The following CFAP54 variants were observed in gnomAD, a reference collection of about 807,000 sequenced individuals.
The protein encoded by CFAP54 is cilia and flagella associated protein 54.
In CFAP54, 290 loss-of-function variants were observed where a neutral mutation model predicts 370.4. The observed-to-expected ratio is 0.78, with a 90% CI of 0.71 to 0.86. The LOEUF (loss-of-function observed/expected upper bound fraction) is 0.86. CFAP54 is among the 40% of genes least tolerant of loss of function. CFAP54 has a pLI of 0.00. For synonymous variants in CFAP54, 1,206 were observed against 1,236.5 expected (o/e 0.98, Z 0.52); for missense variants, 3,399 against 3,528.7 (o/e 0.96, Z 0.93).
chr12:96,658,477 C>T, intron 38 of CFAP54, 131 bp downstream of exon 38: 1 of 1,117,702 alleles, frequency 8.9e-7, no homozygotes, highest in South Asian at 1.6e-5. Context: ...TGGCATTTAT[C>T]ATTCAAATCA....
intron 66 of CFAP54, among the ~76,000 whole-genome samples, chr12:96,832,196 C>T (rs965981358): frequency 2.6e-5 from 4 of 151,910 alleles, no homozygotes; most frequent in Non-Finnish European, 5.9e-5. Context: ...TGACTTGCTC[C>T]TCCTTGCCTT....
chr12:96,579,410 T>A (rs573711693), intron 20 of CFAP54, among the ~76,000 whole-genome samples: 7 of 152,210 alleles, frequency 4.6e-5, no homozygotes, highest in Non-Finnish European at 1.0e-4. Context: ...GTTCATTCTG[T>A]ACAAATTTGT....
intron 61 of CFAP54, among the ~76,000 whole-genome samples, chr12:96,786,141 G>A (rs1958626434): frequency 6.6e-6 from 1 of 151,340 alleles, no homozygotes; most frequent in African/African-American, 2.4e-5. Flanking sequence ...TGGCACCATT[G>A]TTAATACCTA....
chr12:96,805,739 G>T (rs551821207), intron 63 of CFAP54, among the ~76,000 whole-genome samples: 1 of 152,138 alleles, frequency 6.6e-6, no homozygotes, highest in African/African-American at 2.4e-5. Flanking sequence ...CTACAACTGG[G>T]TGTATATCCA....
At chr12:96,653,082 G>A (rs1333393114) in intron 36 of CFAP54, among the ~76,000 whole-genome samples, 1 of 152,228 alleles carries the variant, frequency 6.6e-6, no homozygotes, top group Non-Finnish European at 1.5e-5. Context: ...GAGAGGGCAT[G>A]GCAGCTCTGT....
At chr12:96,555,045 T>C (rs552493021) in intron 17 of CFAP54, 38 of 287,158 alleles carry the variant, frequency 1.3e-4, no homozygotes, top group South Asian at 9.1e-4. Flanking sequence ...ATTTGTGTTA[T>C]AGTAAATTAT....
intron 1 of CFAP54, among the ~76,000 whole-genome samples, chr12:96,491,848 C>T (rs1475080084): frequency 2.0e-5 from 3 of 152,194 alleles, no homozygotes; most frequent in Non-Finnish European, 2.9e-5. Context: ...CAACCTCTGC[C>T]TCCCAGGTTT....
chr12:96,752,292 C>G (rs537933193), intron 55 of CFAP54, among the ~76,000 whole-genome samples: 1 of 152,282 alleles, frequency 6.6e-6, no homozygotes, highest in South Asian at 2.1e-4. Flanking sequence ...TGTAGTTCTG[C>G]TGCATTTTAT....
intron 33 of CFAP54, 121 bp from the exon 34 acceptor site, chr12:96,647,754 T>G (rs1214535842): frequency 1.2e-6 from 1 of 850,002 alleles, no homozygotes; most frequent in East Asian, 3.2e-5. Context: ...GACAAAACCC[T>G]TCATGATTTA....
intron 4 of CFAP54, among the ~76,000 whole-genome samples, chr12:96,511,425 TCTC>T (rs763360908): frequency 3.9e-5 from 6 of 152,278 alleles, no homozygotes; most frequent in South Asian, 4.2e-4. Flanking sequence ...CTTAGGCAAT[TCTC>T]CTGCCTCAGC....
intron 26 of CFAP54, among the ~76,000 whole-genome samples, chr12:96,604,598 T>C (rs899428157): frequency 5.3e-5 from 8 of 152,184 alleles, no homozygotes; most frequent in Admixed American, 1.3e-4. Flanking sequence ...CCTTGCTGAG[T>C]GTGGTGGGCT....
rs184038018 is a variant in CFAP54 at position 96,730,546 on chromosome 12, A to G, written c.6966-9410A>G. ...TGGAAAACAGCAAAATAGAAATTCTATAAATGAAACAATATAGTCACTGAA... is the reference window on the plus strand; with the variant it reads ...TGGAAAACAGCAAAATAGAAATTCTGTAAATGAAACAATATAGTCACTGAA... On this transcript the variant is annotated intron_variant, in intron 50 of 67. Transcript: ENST00000524981. Among the ~76,000 whole-genome samples the G allele has an allele frequency of 3.8e-3, 586 of 152,368 alleles. 1 individual carries two copies. Among genetic ancestry groups the G allele is most frequent in the Non-Finnish European group, 6.6e-3 (447 of 68,030 alleles).
Position 96,784,775 on chromosome 12 carries a change from G to A in CFAP54, c.8340G>A (p.Val2780=). Residue 2780 remains valine, a synonymous_variant, in exon 61 of 68, where the codon GTG becomes GTA. Transcript: ENST00000524981. ...SCTFLYQNDD[V]CDSADGRKKT... ...CATTTTTGTACCAAAATGATGATGT[G>A]TGTGACAGCGCAGATGGTAGAAAAA... is the stretch of plus-strand genomic sequence containing the variant. 12 of 1,534,648 alleles carry A rather than the reference G, an allele frequency of 7.8e-6. No homozygotes were observed. The highest frequency in any genetic ancestry group is 1.0e-5 in the Non-Finnish European group (12 of 1,146,136).
At chr12:96,689,029 A>T (rs371015668) in intron 43 of CFAP54, 47 bp downstream of exon 43, 1 of 1,186,982 alleles carries the variant, frequency 8.4e-7, no homozygotes, top group African/African-American at 1.6e-5. Context: ...ACAACCATTC[A>T]TTGGATCAGT....
intron 38 of CFAP54, among the ~76,000 whole-genome samples, chr12:96,659,181 TG>T (rs373528048): frequency 2.6e-5 from 4 of 151,662 alleles, no homozygotes; most frequent in East Asian, 4.2e-4. Context: ...ATCCCAGAGG[TG>T]GGGGGGTTCT....
intron 1 of CFAP54, among the ~76,000 whole-genome samples, chr12:96,497,605 T>A (rs999654372): frequency 6.6e-6 from 1 of 152,198 alleles, no homozygotes; most frequent in Non-Finnish European, 1.5e-5. Context: ...GGTCATCAAT[T>A]TTTTACAGTT....
intron 32 of CFAP54, among the ~76,000 whole-genome samples, chr12:96,632,032 G>A (rs1956615220): frequency 6.6e-6 from 1 of 151,546 alleles, no homozygotes; most frequent in Non-Finnish European, 1.5e-5. Context: ...ACATTTTTGT[G>A]GAACTATGTG....
rs200648193 is a variant in CFAP54, at chr12:96,731,206, A to T, written c.6966-8750A>T. Among the ~76,000 whole-genome samples, 51 of 152,306 alleles carry T rather than the reference A, an allele frequency of 3.3e-4. No homozygotes were observed. In the East Asian group the frequency reaches 6.8e-3, roughly 20 times the overall value. ...CTTCATTCCTGCACACTTGTAATTT[A>T]AAAAAATGCCAGTTTCACTTAAGAA... On this transcript the variant is annotated intron_variant, in intron 50 of 67. Coordinates refer to ENST00000524981, the MANE Select transcript of CFAP54 (RefSeq NM_001306084.2).
At chr12:96,789,155 T>C (rs1393460150) in intron 62 of CFAP54, among the ~76,000 whole-genome samples, 3 of 152,212 alleles carry the variant, frequency 2.0e-5, no homozygotes, top group African/African-American at 7.2e-5. Flanking sequence ...GACAGGCTCC[T>C]TAAAATCTGT....
Sources: allele counts gnomAD v4.1 joint callset (sites outside exome capture counted in the v4.1 genomes callset), GRCh38; gene constraint gnomAD v4.1.1; transcripts MANE v1.5; gene names NCBI Gene and HGNC (gene_info 2026-07-23, HGNC 2026-07-21).